The following FOCAD variants were observed in gnomAD, a reference collection of about 807,000 sequenced individuals.
The protein encoded by FOCAD is KIAA1797.
In FOCAD, 198 loss-of-function variants were observed where a neutral mutation model predicts 225.6. That is an observed-to-expected ratio of 0.88 (90% CI 0.78 to 0.99). The LOEUF (loss-of-function observed/expected upper bound fraction) is 0.99, where lower values mean the gene tolerates loss of function less well. FOCAD is among the 50% of genes least tolerant of loss of function. The pLI is 0.00. For synonymous variants in FOCAD, 897 were observed against 755.0 expected (o/e 1.19, Z -3.08); for missense variants, 2,713 against 2,123.6 (o/e 1.28, Z -5.46).
At chr9:20,886,353 T>G (rs1831102925) in intron 21 of FOCAD, among the ~76,000 whole-genome samples, 1 of 152,160 alleles carries the variant, frequency 6.6e-6, no homozygotes, top group Non-Finnish European at 1.5e-5. Flanking sequence ...TGGCATCTCA[T>G]TAGTTGGCAT....
At chr9:20,708,047 A>G (rs1271310137) in intron 1 of FOCAD, among the ~76,000 whole-genome samples, 1 of 152,168 alleles carries the variant, frequency 6.6e-6, no homozygotes. Context: ...GGGCATTTGA[A>G]AAGTATAGGC....
chr9:20,789,459 G>T lies in FOCAD; in HGVS notation c.1306G>T (p.Ala436Ser). 1.9e-6 allele frequency: 3 copies of T among 1,613,970 alleles called. No homozygotes were observed. Residue 436 changes from alanine to serine, a missense_variant, in exon 11 of 44, where the codon GCT becomes TCT. Transcript: ENST00000338382. ...TDSSAASDWL[A>S]SVESLLPITA... ...CTCGTCTGCTGCAAGTGACTGGTTG[G>T]CTTCAGTAGAGTCATTGCTTCCTAT...
chr9:20,840,094 A>G (rs1826368167), intron 15 of FOCAD, among the ~76,000 whole-genome samples: 1 of 152,046 alleles, frequency 6.6e-6, no homozygotes, highest in South Asian at 2.1e-4. Context: ...CAGTAATGTG[A>G]TTCCTCCAGT....
chr9:20,862,734 C>T (rs1425878487), intron 16 of FOCAD, 22 bp downstream of exon 16: 5 of 1,597,962 alleles, frequency 3.1e-6, no homozygotes, highest in Non-Finnish European at 4.3e-6. Flanking sequence ...GAGCTCAGCA[C>T]ATTGCCTGCT....
At chr9:20,943,122 C>T (rs528416982) in intron 28 of FOCAD, among the ~76,000 whole-genome samples, 2 of 152,170 alleles carry the variant, frequency 1.3e-5, no homozygotes, top group Non-Finnish European at 2.9e-5. Flanking sequence ...GCTTTACATT[C>T]ATATTAATCA....
chr9:20,912,295 TAAAGG>T (rs1446427125), intron 22 of FOCAD, among the ~76,000 whole-genome samples: 1 of 152,102 alleles, frequency 6.6e-6, no homozygotes, highest in Non-Finnish European at 1.5e-5. Context: ...GCCTTGGACT[TAAAGG>T]AACAATGTTA....
chr9:20,702,740 T>G (rs1176050736), intron 1 of FOCAD, among the ~76,000 whole-genome samples: 2 of 152,184 alleles, frequency 1.3e-5, no homozygotes, highest in African/African-American at 4.8e-5. Context: ...TTCCCTGAGC[T>G]CCTATTTCCT....
At chr9:20,764,124 A>T (rs1201207593) in intron 6 of FOCAD, among the ~76,000 whole-genome samples, 1 of 152,232 alleles carries the variant, frequency 6.6e-6, no homozygotes, top group Non-Finnish European at 1.5e-5. Context: ...AACTGTCATC[A>T]TAATCATCTT....
At chr9:20,952,556 A>G (rs991055276) in intron 34 of FOCAD, 6 of 189,698 alleles carry the variant, frequency 3.2e-5, no homozygotes, top group African/African-American at 1.4e-4. Flanking sequence ...TTGAATTTCT[A>G]TGGTTCATAT....
At chr9:20,857,769 GT>G (rs34385218) in intron 15 of FOCAD, among the ~76,000 whole-genome samples, 114 of 124,714 alleles carry the variant, frequency 9.1e-4, no homozygotes, top group African/African-American at 2.0e-3. Flanking sequence ...TCTATACCCA[GT>G]TTTTTTTTTT....
In FOCAD at chr9:20,990,243, G is replaced by A. The variant is rs141891300; in HGVS notation, c.5125G>A (p.Ala1709Thr). The A allele has an allele frequency of 1.4e-4, 222 of 1,614,206 alleles. No homozygotes were observed. The East Asian group carries it at 4.6e-3, about 33-fold the overall frequency. ...WLPWHQENGPAGPVPSFLGRS... is the reference protein window; with the variant it reads ...WLPWHQENGPTGPVPSFLGRS... The stretch of plus-strand genomic sequence containing the variant: ...GCCATGGCATCAGGAGAATGGCCCG[G>A]CTGGGCCAGTACCAAGCTTCCTTGG... Residue 1709 changes from alanine to threonine, a missense_variant, in exon 42 of 44, where the codon GCT becomes ACT. Ala to Thr is a moderately conservative substitution (Grantham distance 58). Coordinates refer to ENST00000338382, the MANE Select transcript of FOCAD (RefSeq NM_001375567.1).
chr9:20,799,032 A>T (rs188625787), intron 11 of FOCAD, among the ~76,000 whole-genome samples: 95 of 152,212 alleles, frequency 6.2e-4, no homozygotes, highest in Non-Finnish European at 1.0e-3. Context: ...TGTCCCAGAG[A>T]TTCTGGTATG....
intron 11 of FOCAD, among the ~76,000 whole-genome samples, chr9:20,815,137 G>GTTTTTT (rs71334555): frequency 8.7e-5 from 6 of 69,116 alleles, no homozygotes; most frequent in African/African-American, 3.6e-4. Context: ...TTTTTTTTTT[G>GTTTTTT]TTTTTTTTTT....
chr9:20,766,671 T>C (rs1401154642), intron 7 of FOCAD, among the ~76,000 whole-genome samples: 2 of 152,042 alleles, frequency 1.3e-5, no homozygotes, highest in Admixed American at 1.3e-4. Context: ...CCTCCCTTCC[T>C]TATTTTTTTC....
chr9:20,735,830 A>G (rs1259413519), intron 4 of FOCAD, among the ~76,000 whole-genome samples: 1 of 93,232 alleles, frequency 1.1e-5, no homozygotes, highest in African/African-American at 4.4e-5. Context: ...GGCCTCTTCA[A>G]TTGTTTTATC....
At chr9:20,981,769 GT>G (rs1840722731) in intron 38 of FOCAD, 83 bp downstream of exon 38, 1 of 1,459,562 alleles carries the variant, frequency 6.9e-7, no homozygotes, top group African/African-American at 1.4e-5. Flanking sequence ...GGAGGTGTAT[GT>G]TTTAAGAATG....
At chr9:20,937,584 T>C (rs1836124971) in intron 28 of FOCAD, among the ~76,000 whole-genome samples, 1 of 152,144 alleles carries the variant, frequency 6.6e-6, no homozygotes, top group Non-Finnish European at 1.5e-5. Flanking sequence ...TAATTCAAGA[T>C]GGATTAAAGA....
intron 11 of FOCAD, among the ~76,000 whole-genome samples, chr9:20,805,356 A>G (rs1822310531): frequency 6.6e-6 from 1 of 152,182 alleles, no homozygotes. Flanking sequence ...GTTCCTTTCC[A>G]ATGGATTATA....
At chr9:20,831,162 G>GA (rs1564045168) in intron 15 of FOCAD, among the ~76,000 whole-genome samples, 1 of 152,052 alleles carries the variant, frequency 6.6e-6, no homozygotes, top group Non-Finnish European at 1.5e-5. Context: ...GTATACAAGG[G>GA]ATCCTCTTGA....
Sources: allele counts gnomAD v4.1 joint callset (sites outside exome capture counted in the v4.1 genomes callset), GRCh38; gene constraint gnomAD v4.1.1; transcripts MANE v1.5; gene names NCBI Gene and HGNC (gene_info 2026-07-23, HGNC 2026-07-21).